NHSL1: variants seen among roughly 807,000 people sequenced by gnomAD.
NHSL1 encodes NHS like 1.
NHSL1 carries 48 observed loss-of-function variants against 95.0 expected under a neutral mutation model. The ratio of observed to expected loss-of-function variants is 0.51; its 90% CI spans 0.40 to 0.64. The LOEUF is 0.64. Ranked by LOEUF, NHSL1 falls within the 30% of genes least tolerant of loss-of-function variation. NHSL1 has a pLI of 0.00. For missense variants in NHSL1, 1,971 were observed against 2,077.7 expected (o/e 0.95, Z 1.00); for synonymous variants, 783 against 833.9 (o/e 0.94, Z 1.05).
chr6:138,588,108 T>G (rs907421031), intron 1 of NHSL1, among the ~76,000 whole-genome samples: 3 of 152,254 alleles, frequency 2.0e-5, no homozygotes, highest in Non-Finnish European at 4.4e-5. Context: ...TAGAAATTAA[T>G]TCTCAGGGCT....
chr6:138,424,791 T>C lies in NHSL1; in HGVS notation c.4111A>G (p.Arg1371Gly). 2 of 1,551,070 alleles carry C rather than the reference T, an allele frequency of 1.3e-6. No homozygotes were observed. The highest frequency in any genetic ancestry group is 1.4e-5 in the African/African-American group (1 of 73,120). Reference protein sequence around the residue: ...HRSKRKVLGRRDSDDDHSRNH... With the variant: ...HRSKRKVLGRGDSDDDHSRNH... ...CGGGAGTGGTCATCATCTGAATCTC[T>C]ACGGCCGAGGACTTTCCTTTTGGAT... is the stretch of plus-strand genomic sequence containing the variant. The change falls in exon 8 of 8, where the codon AGA becomes GGA. Residue 1371 changes from arginine to glycine, a missense_variant. By Grantham distance (125) the Arg-to-Gly change is moderately radical. Transcript: ENST00000343505. The surrounding 1 kb of genome is among the most constrained non-coding windows in gnomAD (Gnocchi z 5.9).
chr6:138,555,000 C>T (rs1053875774), intron 1 of NHSL1, among the ~76,000 whole-genome samples: 1 of 152,076 alleles, frequency 6.6e-6, no homozygotes, highest in African/African-American at 2.4e-5. Context: ...AGTCTTTTTC[C>T]CTGTCTTTAA....
At chr6:138,677,223 T>C (rs1287559153) in intron 1 of NHSL1, among the ~76,000 whole-genome samples, 2 of 152,182 alleles carry the variant, frequency 1.3e-5, no homozygotes, top group African/African-American at 4.8e-5. Context: ...CTGCCTCAAG[T>C]TTTCCTAGTT....
intron 3 of NHSL1, chr6:138,464,244 G>T: frequency 1.2e-6 from 1 of 818,798 alleles, no homozygotes; most frequent in Non-Finnish European, 2.0e-6. Context: ...ATCACGGCCG[G>T]CACCGTCCTC....
intron 3 of NHSL1, among the ~76,000 whole-genome samples, chr6:138,468,255 T>C (rs1238388895): frequency 6.6e-6 from 1 of 152,346 alleles, no homozygotes; most frequent in Middle Eastern, 3.4e-3. Flanking sequence ...GCATTTTTAT[T>C]GTGCCTTTCC....
rs1778868186 is a variant in NHSL1, at chr6:138,473,341, C to T, written c.304G>A (p.Asp102Asn). ...FAANASPFCD[D>N]YQDEDEETDQ... ...GTTTCTTCATCTTCATCTTGGTAAT[C>T]ATCACAGAATGGGCTGGCGTTGGCC... Residue 102 changes from aspartate (D) to asparagine (N), a missense_variant, in exon 3 of 8, where the codon GAT (aspartate) becomes AAT (asparagine). This residue lies in a region of NHSL1 where 1,602 missense variants were observed against 1,654.5 expected (regional missense o/e 0.97). Coordinates refer to ENST00000343505, the MANE Select transcript of NHSL1 (RefSeq NM_001144060.2). 6.5e-7 allele frequency: 1 copy of T among 1,547,076 alleles called. No homozygotes were observed. Among genetic ancestry groups the T allele is most frequent in the Admixed American group, 2.0e-5 (1 of 49,956 alleles).
chr6:138,472,728 G>C (rs1427106056), intron 3 of NHSL1, among the ~76,000 whole-genome samples: 1 of 152,124 alleles, frequency 6.6e-6, no homozygotes, highest in Non-Finnish European at 1.5e-5. Flanking sequence ...TAAGTGGTTT[G>C]TGCATATCAC....
At chr6:138,464,949 G>A (rs557734468) in intron 3 of NHSL1, among the ~76,000 whole-genome samples, 52 of 151,044 alleles carry the variant, frequency 3.4e-4, no homozygotes, top group African/African-American at 1.2e-3. Flanking sequence ...CTGGCCTCAG[G>A]TGATCCACCC....
intron 1 of NHSL1, among the ~76,000 whole-genome samples, chr6:138,534,666 A>T (rs1448804727): frequency 6.6e-6 from 1 of 152,230 alleles, no homozygotes; most frequent in Non-Finnish European, 1.5e-5. Context: ...CAGTTTTCCA[A>T]AATTCCAACA....
At chr6:138,478,257 A>G (rs1420543894) in intron 2 of NHSL1, among the ~76,000 whole-genome samples, 2 of 151,998 alleles carry the variant, frequency 1.3e-5, no homozygotes, top group East Asian at 3.9e-4. Flanking sequence ...CTGGGATTAC[A>G]AGTGTGAACC....
intron 2 of NHSL1, among the ~76,000 whole-genome samples, chr6:138,478,944 C>A (rs775313646): frequency 9.2e-5 from 14 of 152,268 alleles, no homozygotes; most frequent in East Asian, 3.9e-4. Context: ...AATGTCATAG[C>A]GCTAGATGGT....
intron 3 of NHSL1, among the ~76,000 whole-genome samples, chr6:138,471,481 C>G (rs1465464077): frequency 4.6e-5 from 7 of 152,162 alleles, no homozygotes; most frequent in African/African-American, 1.7e-4. Context: ...TTTGAAATGG[C>G]TGCTTTACTC....
upstream of NHSL1, among the ~76,000 whole-genome samples, chr6:138,576,517 C>T (rs1783975304): frequency 1.3e-5 from 2 of 152,212 alleles, no homozygotes; most frequent in Non-Finnish European, 2.9e-5. Context: ...ATTCGAACTT[C>T]TGCTGTCATC....
intron 1 of NHSL1, among the ~76,000 whole-genome samples, chr6:138,685,235 G>A (rs190071840): frequency 1.3e-5 from 2 of 152,256 alleles, no homozygotes; most frequent in South Asian, 2.1e-4. Flanking sequence ...CAACCTAAAT[G>A]TAGGTAGCTT....
intron 1 of NHSL1, among the ~76,000 whole-genome samples, chr6:138,631,195 G>A (rs1288913053): frequency 6.6e-6 from 1 of 152,192 alleles, no homozygotes; most frequent in Admixed American, 6.5e-5. Flanking sequence ...GGGAATCACC[G>A]ATTCCAGCGG....
chr6:138,456,517 T>C (rs1447921784), intron 3 of NHSL1, among the ~76,000 whole-genome samples: 1 of 152,232 alleles, frequency 6.6e-6, no homozygotes, highest in East Asian at 1.9e-4. Flanking sequence ...GCCAACTGTT[T>C]ACTGCCAAAA....
intron 1 of NHSL1, among the ~76,000 whole-genome samples, chr6:138,531,236 G>T (rs1782120049): frequency 6.6e-6 from 1 of 152,132 alleles, no homozygotes; most frequent in African/African-American, 2.4e-5. Context: ...TTTCTTGAAT[G>T]GGTTCATATT....
intron 1 of NHSL1, among the ~76,000 whole-genome samples, chr6:138,636,270 A>C (rs922134141): frequency 6.6e-6 from 1 of 152,196 alleles, no homozygotes; most frequent in Non-Finnish European, 1.5e-5. Context: ...AACATACCTC[A>C]ACATAATAAA....
intron 3 of NHSL1, chr6:138,470,598 G>T (rs1778689122): frequency 6.6e-6 from 1 of 152,154 alleles, no homozygotes; most frequent in African/African-American, 2.4e-5. Flanking sequence ...ATCAAACCTG[G>T]ATTTTTAAAA....
Sources: allele counts gnomAD v4.1 joint callset (sites outside exome capture counted in the v4.1 genomes callset), GRCh38; gene constraint gnomAD v4.1.1; regional missense constraint gnomAD v4.1.1; non-coding constraint Gnocchi (gnomAD v3.1); transcripts MANE v1.5; gene names NCBI Gene and HGNC (gene_info 2026-07-23, HGNC 2026-07-21).